SLX4IP: variants seen among roughly 807,000 people sequenced by gnomAD.
The protein encoded by SLX4IP is SLX4 interacting protein, also known as protein SLX4IP.
A neutral mutation model predicts 32.9 loss-of-function variants in SLX4IP; 34 were observed. The observed-to-expected ratio is 1.03, with a 90% CI of 0.79 to 1.38. SLX4IP has a LOEUF of 1.38. Ranked by LOEUF, SLX4IP falls within the 40% of genes most tolerant of loss-of-function variation. The pLI is 0.00. For missense variants in SLX4IP, 444 were observed against 479.0 expected (o/e 0.93, Z 0.68); for synonymous variants, 172 against 171.7 (o/e 1.00, Z -0.01).
Position 10,486,713 on chromosome 20 carries a change from G to C in SLX4IP, c.27+28482G>C, listed in dbSNP as rs995591130. 3.3e-5 allele frequency among the ~76,000 whole-genome samples: 5 copies of C among 152,250 alleles called. No individual in the cohort carries two copies. The South Asian group carries it at 1.0e-3, about 32-fold the overall frequency. On this transcript the variant is annotated intron_variant, in intron 2 of 7. Coordinates refer to ENST00000334534, the MANE Select transcript of SLX4IP (RefSeq NM_001009608.3). ...AATGATCATGCAGAGTATATAGCCAGGATAGCCCAATGTCCCTGTTTACAA... is the reference window on the plus strand; with the variant it reads ...AATGATCATGCAGAGTATATAGCCACGATAGCCCAATGTCCCTGTTTACAA...
In SLX4IP at chr20:10,621,425, T is replaced by G; in HGVS notation, c.506+11T>G. The G allele has an allele frequency of 6.2e-7, 1 of 1,612,756 alleles. No homozygotes were observed. Among genetic ancestry groups the G allele is most frequent in the Non-Finnish European group, 8.5e-7 (1 of 1,178,892 alleles). ...TGCTCTGAAAGAAATGTAGGTGCAA[T>G]GTGTTTCCTTTTTCTCATTTTTGCC... On this transcript the variant is annotated intron_variant, in intron 7 of 7. Transcript: ENST00000334534.
intron 2 of SLX4IP, among the ~76,000 whole-genome samples, chr20:10,500,582 C>G (rs2065709681): frequency 6.6e-6 from 1 of 151,918 alleles, no homozygotes; most frequent in African/African-American, 2.4e-5. Flanking sequence ...AAAATCCTGT[C>G]TCTGCAAAAA....
At chr20:10,499,215 G>T (rs2065695731) in intron 2 of SLX4IP, among the ~76,000 whole-genome samples, 1 of 151,806 alleles carries the variant, frequency 6.6e-6, no homozygotes, top group African/African-American at 2.4e-5. Flanking sequence ...ACTCTCTTTA[G>T]TTAAATGACA....
At chr20:10,458,754 T>C (rs2065310316) in intron 2 of SLX4IP, among the ~76,000 whole-genome samples, 2 of 152,304 alleles carry the variant, frequency 1.3e-5, no homozygotes, top group South Asian at 2.1e-4. Flanking sequence ...TCTTTATCCG[T>C]TTTTTCACTG....
At chr20:10,580,460 A>G (rs1481837555) in intron 4 of SLX4IP, among the ~76,000 whole-genome samples, 1 of 142,550 alleles carries the variant, frequency 7.0e-6, no homozygotes, top group African/African-American at 2.6e-5. Flanking sequence ...CCTCCTCCCA[A>G]TTTGGTTTGT....
At chr20:10,518,636 C>T (rs1000602741) in intron 2 of SLX4IP, among the ~76,000 whole-genome samples, 3 of 151,414 alleles carry the variant, frequency 2.0e-5, no homozygotes, top group African/African-American at 4.9e-5. Context: ...TGCAGCGCTG[C>T]GATCTCAGCT....
chr20:10,512,369 G>C (rs925161239), intron 2 of SLX4IP, among the ~76,000 whole-genome samples: 52 of 151,518 alleles, frequency 3.4e-4, no homozygotes, highest in African/African-American at 1.3e-3. Flanking sequence ...AAAATGTCTT[G>C]GTCAATAAAT....
intron 2 of SLX4IP, among the ~76,000 whole-genome samples, chr20:10,523,109 G>A (rs1600959891): frequency 6.6e-6 from 1 of 152,112 alleles, no homozygotes; most frequent in Non-Finnish European, 1.5e-5. Flanking sequence ...TTGTTCCTCT[G>A]TAGCAGACCT....
intron 2 of SLX4IP, among the ~76,000 whole-genome samples, chr20:10,540,484 T>C (rs2066094855): frequency 1.3e-5 from 2 of 152,300 alleles, no homozygotes; most frequent in South Asian, 4.1e-4. Context: ...ACCTGGGAAA[T>C]GTAACTTTCC....
intron 4 of SLX4IP, among the ~76,000 whole-genome samples, chr20:10,597,281 C>G (rs1046202580): frequency 4.6e-5 from 7 of 152,264 alleles, no homozygotes; most frequent in Admixed American, 3.9e-4. Context: ...TCACCCCACT[C>G]TGGTGGAGCT....
chr20:10,594,622 T>G (rs1157335271), intron 4 of SLX4IP, among the ~76,000 whole-genome samples: 2 of 152,216 alleles, frequency 1.3e-5, no homozygotes, highest in East Asian at 1.9e-4. Flanking sequence ...GACTGTGAAC[T>G]GTGACAACCC....
intron 2 of SLX4IP, among the ~76,000 whole-genome samples, chr20:10,477,655 T>C (rs1024334927): frequency 3.3e-5 from 5 of 152,178 alleles, no homozygotes; most frequent in African/African-American, 1.2e-4. Flanking sequence ...CTCTCCAATA[T>C]GGGGATAATA....
intron 2 of SLX4IP, among the ~76,000 whole-genome samples, chr20:10,526,248 G>A (rs2065939818): frequency 6.6e-6 from 1 of 152,128 alleles, no homozygotes; most frequent in South Asian, 2.1e-4. Flanking sequence ...TAAAATTATA[G>A]TTGAGAAAGA....
chr20:10,596,121 C>T (rs1234484059), intron 4 of SLX4IP, among the ~76,000 whole-genome samples: 10 of 152,144 alleles, frequency 6.6e-5, no homozygotes, highest in Non-Finnish European at 1.5e-4. Context: ...GTTCAGCAGT[C>T]CAGATAGGAT....
rs760705730 is a variant in SLX4IP, at chr20:10,556,283, A to T, written c.80A>T (p.Asn27Ile). ...VDLHILPQGS[N>I]KDTSWFSEQK... is the part of the protein sequence containing the mutation. ...CTTCATATCTTGCCACAAGGTTCAA[A>T]CAAAGATACAAGCTGGTTTTCTGAA... Residue 27 changes from asparagine (N) to isoleucine (I), a missense_variant, in exon 3 of 8, where the codon AAC becomes ATC. Asn to Ile is a moderately radical substitution (Grantham distance 149). Coordinates refer to ENST00000334534, the MANE Select transcript of SLX4IP (RefSeq NM_001009608.3). 3.7e-6 allele frequency: 6 copies of T among 1,613,524 alleles called. No individual in the cohort carries two copies. The South Asian group carries it at 6.6e-5, about 18-fold the overall frequency.
At chr20:10,512,757 A>G (rs958390147) in intron 2 of SLX4IP, among the ~76,000 whole-genome samples, 3 of 97,778 alleles carry the variant, frequency 3.1e-5, no homozygotes, top group Admixed American at 2.4e-4. Context: ...TATTTTATGT[A>G]TATATATACA....
At chr20:10,586,566 G>C (rs367996966) in intron 4 of SLX4IP, among the ~76,000 whole-genome samples, 1 of 151,968 alleles carries the variant, frequency 6.6e-6, no homozygotes, top group Non-Finnish European at 1.5e-5. Context: ...CCAGACTAAT[G>C]GTTTCTTGCT....
chr20:10,525,466 T>C (rs533679070), intron 2 of SLX4IP, among the ~76,000 whole-genome samples: 1 of 152,296 alleles, frequency 6.6e-6, no homozygotes, highest in East Asian at 1.9e-4. Context: ...AATCTGTATT[T>C]AATGTTTATA....
chr20:10,468,475 A>G (rs1454464437), intron 2 of SLX4IP, among the ~76,000 whole-genome samples: 1 of 152,154 alleles, frequency 6.6e-6, no homozygotes, highest in South Asian at 2.1e-4. Context: ...AGGCATTCTG[A>G]TAATTACTCT....
Sources: allele counts gnomAD v4.1 joint callset (sites outside exome capture counted in the v4.1 genomes callset), GRCh38; gene constraint gnomAD v4.1.1; transcripts MANE v1.5; gene names NCBI Gene and HGNC (gene_info 2026-07-23, HGNC 2026-07-21).